Variants in FANCG observed in about 807,000 individuals in gnomAD.
FANCG encodes the protein Fanconi anemia group G protein.
In FANCG, 67 loss-of-function variants were observed where a neutral mutation model predicts 73.3. The observed-to-expected ratio is 0.91, with a 90% CI of 0.75 to 1.12. The LOEUF is 1.12. FANCG is among the 50% of genes most tolerant of loss of function. The pLI is 0.00. For missense variants in FANCG, 643 were observed against 735.6 expected (o/e 0.87, Z 1.46); for synonymous variants, 297 against 311.6 (o/e 0.95, Z 0.49).
chr9:35,077,760 A>C (rs989441391), intron 4 of FANCG, among the ~76,000 whole-genome samples: 1 of 150,380 alleles, frequency 6.6e-6, no homozygotes, highest in African/African-American at 2.5e-5. Flanking sequence ...TCCAAAAAAA[A>C]ATTTTTTTTT....
intron 8 of FANCG, 161 bp from the exon 9 acceptor site, chr9:35,076,189 C>T (rs1227367056): frequency 1.2e-6 from 1 of 832,778 alleles, no homozygotes; most frequent in Non-Finnish European, 2.0e-6. Context: ...CAGTATGGAT[C>T]TACCCCAGTT....
At chr9:35,076,197 G>A in intron 8 of FANCG, 169 bp from the exon 9 acceptor site, 1 of 810,988 alleles carries the variant, frequency 1.2e-6, no homozygotes, top group Admixed American at 2.0e-5. Context: ...ATCTACCCCA[G>A]TTACAGAATG....
rs193268256 is a variant in FANCG, at chr9:35,076,693, C to T, written c.924+31G>A. On this transcript the variant is annotated intron_variant, in intron 7 of 13. Coordinates refer to ENST00000378643, the MANE Select transcript of FANCG (RefSeq NM_004629.2). ...CATCACAAGCACCTCAGGAATCCTC[C>T]ACCCCACATCTTCACCTGGCAGTTC... 584 of 1,614,182 alleles carry T rather than the reference C, an allele frequency of 3.6e-4. 1 individual carries two copies. The highest frequency in any genetic ancestry group is 2.8e-3 in the Middle Eastern group (17 of 6,062).
chr9:35,079,589 G>C lies in FANCG; in HGVS notation c.-65C>G. ...GGAAGGGTGAAGCTGGCCTGCCCAA[G>C]CTCCCAACCCCAGCGGGGAGGGGCC... On this transcript the variant is annotated 5_prime_UTR_variant, in exon 1 of 14. Coordinates refer to ENST00000378643, the MANE Select transcript of FANCG (RefSeq NM_004629.2). 2 of 1,538,924 alleles carry C rather than the reference G, an allele frequency of 1.3e-6. No homozygotes were observed. The highest frequency in any genetic ancestry group is 2.2e-5 in the South Asian group (2 of 89,380).
chr9:35,079,425 C>T lies in FANCG; in HGVS notation c.84+16G>A, dbSNP rs762705460. 6.8e-6 allele frequency: 11 copies of T among 1,613,936 alleles called. No individual in the cohort carries two copies. The Admixed American group carries it at 1.8e-4, about 27-fold the overall frequency. On this transcript the variant is annotated intron_variant, in intron 1 of 13. Transcript: ENST00000378643. ...ATCTTGAGGCTGCAAACCGAGGGTG[C>T]CAGCAACCGTGTTACCTTGGCCTGT...
rs1829144353 is a variant in FANCG, at chr9:35,079,457, A to T, written c.68T>A (p.Leu23His). 6.2e-7 allele frequency: 1 copy of T among 1,614,102 alleles called. No individual in the cohort carries two copies. Among genetic ancestry groups the T allele is most frequent in the Non-Finnish European group, 8.5e-7 (1 of 1,180,030 alleles). ...LDLWREKNDR[L>H]VRQAKVAQNS... ...CCGTGTTACCTTGGCCTGTCGAACG[A>T]GCCGGTCATTCTTTTCCCTCCACAG... Residue 23 changes from leucine to histidine, a missense_variant, in exon 1 of 14, where the codon CTC (leucine) becomes CAC (histidine). Coordinates refer to ENST00000378643, the MANE Select transcript of FANCG (RefSeq NM_004629.2).
At chr9:35,076,183 A>G in intron 8 of FANCG, 155 bp from the exon 9 acceptor site, 1 of 859,010 alleles carries the variant, frequency 1.2e-6, no homozygotes, top group South Asian at 1.4e-5. Flanking sequence ...TTGGCTCAGT[A>G]TGGATCTACC....
At position 35,075,276 on chromosome 9, in the gene FANCG, C is replaced by T. The variant is rs781269744; in HGVS notation, c.1480+3G>A. ...TAAGAGGAAAACTGAAAGTTTAGAT[C>T]ACCTTGTTCTTTTTCCTCAGGTGTG... On this transcript the variant is annotated splice_donor_region_variant and intron_variant, in intron 11 of 13. Transcript: ENST00000378643. The T allele has an allele frequency of 3.7e-6, 6 of 1,614,110 alleles. No individual in the cohort carries two copies. In the South Asian group the frequency reaches 5.5e-5, roughly 15 times the overall value.
chr9:35,079,132 C>G lies in FANCG; in HGVS notation c.175+19G>C, dbSNP rs1300676246. The G allele has an allele frequency of 3.1e-6, 5 of 1,595,060 alleles. No individual in the cohort carries two copies. The Admixed American group carries it at 5.2e-5, about 17-fold the overall frequency. On this transcript the variant is annotated intron_variant, in intron 2 of 13. Transcript: ENST00000378643. Reference sequence around the variant, plus strand: ...CTATGGAAGAGGGGAACTGACCATCCTGGGGAGGACCCGCCTACCTTGCAG... The same window carrying G: ...CTATGGAAGAGGGGAACTGACCATCGTGGGGAGGACCCGCCTACCTTGCAG...
rs376623996 is a variant in FANCG, at chr9:35,076,019, G to A, written c.1086C>T (p.Asp362=). 5.4e-5 allele frequency: 87 copies of A among 1,613,946 alleles called. No homozygotes were observed. Among genetic ancestry groups the A allele is most frequent in the Non-Finnish European group, 6.4e-5 (75 of 1,180,034 alleles). ...GCAGGTCCAAGTAATGCTCTGCAGCGTCTCCTGCCCTGAGGAGTAAAAGCC... is the reference window on the plus strand; with the variant it reads ...GCAGGTCCAAGTAATGCTCTGCAGCATCTCCTGCCCTGAGGAGTAAAAGCC... ...SRCLQTGRAG[D]AAEHYLDLLA... Residue 362 remains aspartate (D), a synonymous_variant, in exon 9 of 14, where the codon GAC becomes GAT. Coordinates refer to ENST00000378643, the MANE Select transcript of FANCG (RefSeq NM_004629.2).
chr9:35,077,943 T>TC lies in FANCG; in HGVS notation c.510+197_510+198insG, dbSNP rs1587143102. 15 of 620,032 alleles carry TC rather than the reference T, an allele frequency of 2.4e-5. No homozygotes were observed. In the East Asian group the frequency reaches 3.7e-4, roughly 15 times the overall value. The allele number at this position is 620,032 out of a possible 1,614,324, so 38.4% of individuals were successfully genotyped here. A position where few individuals can be genotyped will look rare whatever the true frequency, so the allele number is the denominator to read the frequency against. On this transcript the variant is annotated intron_variant, in intron 4 of 13. Coordinates refer to ENST00000378643, the MANE Select transcript of FANCG (RefSeq NM_004629.2). The stretch of plus-strand genomic sequence containing the variant: ...ATGAGCCACCATGCCTGTCCAATTT[T>TC]TAAAAAACACTCCTAAGAGAATCCC...
Position 35,075,521 on chromosome 9 carries a change from C to T in FANCG, c.1377G>A (p.Gln459=), listed in dbSNP as rs1587140019. 2 of 1,614,166 alleles carry T rather than the reference C, an allele frequency of 1.2e-6. No individual in the cohort carries two copies. Among genetic ancestry groups the T allele is most frequent in the Non-Finnish European group, 8.5e-7 (1 of 1,180,014 alleles). ...CACCCAGTTGAACCCAGGCCTGGCC[C>T]TGAAGCAGGTGGGTGGCAGAGACCC... is the stretch of plus-strand genomic sequence containing the variant. ...PLWVSATHLL[Q]GQAWVQLGAQ... is the part of the protein sequence containing the mutation. Residue 459 remains glutamine, a synonymous_variant, in exon 10 of 14, where the codon CAG becomes CAA. Coordinates refer to ENST00000378643, the MANE Select transcript of FANCG (RefSeq NM_004629.2).
chr9:35,079,116 AG>A (rs1409715862), intron 2 of FANCG, 34 bp downstream of exon 2: 2 of 1,537,942 alleles, frequency 1.3e-6, no homozygotes, highest in Admixed American at 3.6e-5. Flanking sequence ...GCTATGGAAG[AG>A]GGGAACTGAC....
At chr9:35,074,828 T>C in intron 12 of FANCG, 99 bp downstream of exon 12, 1 of 1,469,226 alleles carries the variant, frequency 6.8e-7, no homozygotes, top group East Asian at 2.3e-5. Context: ...ACCCCTCCTG[T>C]CTGAGAACAC....
At position 35,079,527 on chromosome 9, in the gene FANCG, T is replaced by C. The variant is rs1203429118; in HGVS notation, c.-3A>G. On this transcript the variant is annotated 5_prime_UTR_variant, in exon 1 of 14. Coordinates refer to ENST00000378643, the MANE Select transcript of FANCG (RefSeq NM_004629.2). The stretch of plus-strand genomic sequence containing the variant: ...ACAGAGGTGGTCTGGCGGGACATGG[T>C]GGCCGAGGCTGGGCCCGGAGACCAG... 1 of 1,613,822 alleles carries C rather than the reference T, an allele frequency of 6.2e-7. No homozygotes were observed. Among genetic ancestry groups the C allele is most frequent in the African/African-American group, 1.3e-5 (1 of 74,906 alleles).
chr9:35,079,615 T>G lies in FANCG; in HGVS notation c.-91A>C. ...CTCCCAACCCCAGCGGGGAGGGGCCTGGGCACTTCTGCACCCCGCCGAGCT... is the reference window on the plus strand; with the variant it reads ...CTCCCAACCCCAGCGGGGAGGGGCCGGGGCACTTCTGCACCCCGCCGAGCT... On this transcript the variant is annotated 5_prime_UTR_variant, in exon 1 of 14. Coordinates refer to ENST00000378643, the MANE Select transcript of FANCG (RefSeq NM_004629.2). 2 of 1,300,188 alleles carry G rather than the reference T, an allele frequency of 1.5e-6. No individual in the cohort carries two copies. The highest frequency in any genetic ancestry group is 1.7e-5 in the Admixed American group (1 of 59,116). 80.5% of individuals were successfully genotyped at this position (1,300,188 alleles called of 1,614,324 possible). A position where few individuals can be genotyped will look rare whatever the true frequency, so the allele number is the denominator to read the frequency against.
chr9:35,074,209 G>C lies in FANCG; in HGVS notation c.1768C>G (p.Pro590Ala), dbSNP rs541868979. Residue 590 changes from proline to alanine, a missense_variant, in exon 14 of 14, where the codon CCC becomes GCC. Coordinates refer to ENST00000378643, the MANE Select transcript of FANCG (RefSeq NM_004629.2). ...GSHEDALWSL[P>A]LYLESYLSWI... The stretch of plus-strand genomic sequence containing the variant: ...CTCAAATAGCTTTCTAGGTACAGGG[G>C]GAGAGACCTGGAGAGAAAGAAGGAT... 1.7e-5 allele frequency: 27 copies of C among 1,613,878 alleles called. No individual in the cohort carries two copies. The East Asian group carries it at 6.0e-4, about 36-fold the overall frequency.
At chr9:35,075,159 T>C in intron 11 of FANCG, 77 bp from the exon 12 acceptor site, 1 of 1,609,682 alleles carries the variant, frequency 6.2e-7, no homozygotes, top group Middle Eastern at 2.1e-4. Context: ...CCTCTATTTC[T>C]TCTTGTGTCC....
At chr9:35,077,514 C>G in intron 4 of FANCG, 115 bp from the exon 5 acceptor site, 7 of 1,259,576 alleles carry the variant, frequency 5.6e-6, no homozygotes, top group African/African-American at 2.9e-5. Context: ...CTTGAGGACA[C>G]AGGCCTCAGC....
Sources: allele counts gnomAD v4.1 joint callset (sites outside exome capture counted in the v4.1 genomes callset), GRCh38; gene constraint gnomAD v4.1.1; transcripts MANE v1.5; gene names NCBI Gene and HGNC (gene_info 2026-07-23, HGNC 2026-07-21).